The following BICC1 variants were observed in gnomAD, a reference collection of about 807,000 sequenced individuals.
The protein encoded by BICC1 is protein bicaudal C homolog 1.
In BICC1, 43 loss-of-function variants were observed where a neutral mutation model predicts 111.0. That is an observed-to-expected ratio of 0.39 (90% CI 0.30 to 0.50). The LOEUF is 0.50. BICC1 is among the 20% of genes least tolerant of loss of function. The probability of loss-of-function intolerance (pLI) is 0.88; values close to 1 mark genes in which losing one functional copy is unlikely to be tolerated. For missense variants in BICC1, 1,091 were observed against 1,203.2 expected, an observed-to-expected ratio of 0.91 and a Z score of 1.38; for synonymous variants, 467 against 434.4, an observed-to-expected ratio of 1.07 and a Z score of -0.93.
chr10:58,567,234 G>T (rs965904715), intron 1 of BICC1, among the ~76,000 whole-genome samples: 1 of 152,080 alleles, frequency 6.6e-6, no homozygotes, highest in Non-Finnish European at 1.5e-5. Flanking sequence ...TTGCTTAAGG[G>T]TATAAACTTT....
chr10:58,697,541 C>T (rs1022340144), intron 2 of BICC1, among the ~76,000 whole-genome samples: 6 of 152,190 alleles, frequency 3.9e-5, no homozygotes, highest in Non-Finnish European at 7.3e-5. Context: ...ATTTTCTTCT[C>T]AGCGGTTTTG....
chr10:58,785,026 G>A lies in BICC1; in HGVS notation c.333G>A (p.Lys111=), dbSNP rs1188178957. ...ATCCCCATATTAAGGTTTCTGGAAA[G>A]AAAGAAGATGTTAAAGAAGCCAAGG... The part of the protein sequence containing the change: ...KKDPHIKVSG[K]KEDVKEAKEM... The change falls in exon 4 of 21, where the codon AAG becomes AAA. Residue 111 remains lysine (K), a synonymous_variant. Transcript: ENST00000373886. 2 of 1,599,070 alleles carry A rather than the reference G, an allele frequency of 1.3e-6. No individual in the cohort carries two copies. The highest frequency in any genetic ancestry group is 2.7e-5 in the African/African-American group (2 of 74,248).
intron 1 of BICC1, among the ~76,000 whole-genome samples, chr10:58,521,202 C>T (rs935973299): frequency 5.3e-5 from 8 of 151,982 alleles, no homozygotes; most frequent in East Asian, 3.9e-4. Context: ...TCAAACTGCC[C>T]GGGATTCAGA....
chr10:58,719,512 C>CTT (rs61590839), intron 3 of BICC1, among the ~76,000 whole-genome samples: 2 of 146,908 alleles, frequency 1.4e-5, no homozygotes, highest in African/African-American at 5.0e-5. Flanking sequence ...GGGCACTTTT[C>CTT]TTTTTTTTTT....
chr10:58,646,271 C>T (rs992920280), intron 2 of BICC1, among the ~76,000 whole-genome samples: 1 of 152,110 alleles, frequency 6.6e-6, no homozygotes, highest in African/African-American at 2.4e-5. Context: ...ATGCGTTGAT[C>T]ATATTGGGGC....
At chr10:58,528,668 G>T (rs1842606559) in intron 1 of BICC1, among the ~76,000 whole-genome samples, 2 of 151,984 alleles carry the variant, frequency 1.3e-5, no homozygotes, top group South Asian at 4.1e-4. Flanking sequence ...TGTTGATTAG[G>T]AATTAGGTGC....
intron 3 of BICC1, among the ~76,000 whole-genome samples, chr10:58,726,441 A>G (rs879772071): frequency 2.0e-5 from 3 of 152,202 alleles, no homozygotes; most frequent in Admixed American, 6.5e-5. Flanking sequence ...ATTAACTTGT[A>G]GGTTCTTTGG....
chr10:58,801,059 A>T lies in BICC1; in HGVS notation c.2015+13A>T. The T allele has an allele frequency of 1.9e-6, 3 of 1,575,754 alleles. No individual in the cohort carries two copies. Among genetic ancestry groups the T allele is most frequent in the East Asian group, 2.3e-5 (1 of 43,374 alleles). On this transcript the variant is annotated intron_variant, in intron 14 of 20. Coordinates refer to ENST00000373886, the MANE Select transcript of BICC1 (RefSeq NM_001080512.3). ...ACTCACACTTACAGTATGTATTTTAATCTTTAAAGAGCCCTTGATATTTTG... is the reference window on the plus strand; with the variant it reads ...ACTCACACTTACAGTATGTATTTTATTCTTTAAAGAGCCCTTGATATTTTG...
In BICC1 at chr10:58,619,089, A is replaced by G. The variant is rs578242710; in HGVS notation, c.191-1766A>G. On this transcript the variant is annotated intron_variant, in intron 1 of 20. Coordinates refer to ENST00000373886, the MANE Select transcript of BICC1 (RefSeq NM_001080512.3). ...CTTCTTTCATTAAGGACACGATTAC[A>G]TTGGGCCCATCTGGCTAATTCAATA... Among the ~76,000 whole-genome samples the G allele has an allele frequency of 6.6e-5, 10 of 152,254 alleles. No homozygotes were observed. The East Asian group carries it at 1.9e-3, about 29-fold the overall frequency.
rs1202556984 is a variant in BICC1, at chr10:58,769,400, G to GTATATATATATATATATATA, written c.308-15600_308-15599insATATATATATATATATATAT. On this transcript the variant is annotated intron_variant, in intron 3 of 20. Coordinates refer to ENST00000373886, the MANE Select transcript of BICC1 (RefSeq NM_001080512.3). ...TATGTGTGTGTGTGTGTGTGTGTGTGTGTGTATATATATATATATATATAT... is the reference window on the plus strand; with the variant it reads ...TATGTGTGTGTGTGTGTGTGTGTGTGTATATATATATATATATATATGTGTATATATATATATATATATAT... Among the ~76,000 whole-genome samples, 520 of 106,116 alleles carry GTATATATATATATATATATA rather than the reference G, an allele frequency of 4.9e-3. 2 individuals carry two copies. The highest frequency in any genetic ancestry group is 9.2e-3 in the South Asian group (27 of 2,932). 69.6% of individuals were successfully genotyped at this position (106,116 alleles called of 152,430 possible).
At chr10:58,698,855 C>T (rs1358836254) in intron 2 of BICC1, among the ~76,000 whole-genome samples, 1 of 152,158 alleles carries the variant, frequency 6.6e-6, no homozygotes, top group Non-Finnish European at 1.5e-5. Context: ...AAGTAATTCG[C>T]TCAACACAGC....
chr10:58,772,349 T>A (rs1842642569), intron 3 of BICC1, among the ~76,000 whole-genome samples: 2 of 152,232 alleles, frequency 1.3e-5, no homozygotes, highest in Non-Finnish European at 2.9e-5. Context: ...CACTTGCCTC[T>A]ATTGTTACTG....
At chr10:58,688,016 C>T (rs979291819) in intron 2 of BICC1, among the ~76,000 whole-genome samples, 2 of 152,080 alleles carry the variant, frequency 1.3e-5, no homozygotes, top group African/African-American at 2.4e-5. Context: ...TTAAAGGTGG[C>T]GCATACGTAG....
Position 58,535,513 on chromosome 10 carries a change from C to T in BICC1, c.190+22180C>T, listed in dbSNP as rs552334281. On this transcript the variant is annotated intron_variant, in intron 1 of 20. Transcript: ENST00000373886. ...TAAATGAAGGAGAAATAACGTCTTT[C>T]TCAGACAAGCAAATGCTGAGGGAAT... Among the ~76,000 whole-genome samples, 7 of 151,842 alleles carry T rather than the reference C, an allele frequency of 4.6e-5. No individual in the cohort carries two copies. In the East Asian group the frequency reaches 1.2e-3, roughly 25 times the overall value.
At chr10:58,739,201 T>C (rs1488452741) in intron 3 of BICC1, among the ~76,000 whole-genome samples, 1 of 152,222 alleles carries the variant, frequency 6.6e-6, no homozygotes, top group Non-Finnish European at 1.5e-5. Context: ...CCATTCAATA[T>C]GATATTGGCT....
intron 4 of BICC1, among the ~76,000 whole-genome samples, chr10:58,785,758 A>T (rs1842993509): frequency 6.6e-6 from 1 of 152,214 alleles, no homozygotes; most frequent in Admixed American, 6.5e-5. Context: ...GACTCAGCAC[A>T]AAGGTATTAA....
intron 1 of BICC1, among the ~76,000 whole-genome samples, chr10:58,515,058 T>G (rs1842205762): frequency 1.3e-5 from 2 of 152,244 alleles, no homozygotes; most frequent in South Asian, 4.1e-4. Flanking sequence ...ACCTGAGCTT[T>G]AGAAGTGAAT....
chr10:58,514,304 G>A (rs1842183324), intron 1 of BICC1, among the ~76,000 whole-genome samples: 1 of 152,220 alleles, frequency 6.6e-6, no homozygotes, highest in Non-Finnish European at 1.5e-5. Flanking sequence ...ACGGGACCAG[G>A]CGTTAGTCTC....
intron 2 of BICC1, 118 bp downstream of exon 2, chr10:58,621,019 C>A: frequency 2.6e-6 from 2 of 778,364 alleles, no homozygotes; most frequent in Non-Finnish European, 4.0e-6. Flanking sequence ...GGTTTCTATA[C>A]GGGAGCTGGA....
Sources: allele counts gnomAD v4.1 joint callset (sites outside exome capture counted in the v4.1 genomes callset), GRCh38; gene constraint gnomAD v4.1.1; transcripts MANE v1.5; gene names NCBI Gene and HGNC (gene_info 2026-07-23, HGNC 2026-07-21).